ARID1B: variants seen among roughly 807,000 people sequenced by gnomAD.
The protein encoded by ARID1B is AT-rich interactive domain-containing protein 1B.
In ARID1B, 30 loss-of-function variants were observed where a neutral mutation model predicts 212.3. The observed-to-expected ratio is 0.14, with a 90% CI of 0.11 to 0.19. The LOEUF is 0.19. Ranked by LOEUF, ARID1B falls within the 10% of genes least tolerant of loss-of-function variation. The pLI, the probability that ARID1B is intolerant of heterozygous loss-of-function variation, is 1.00. For synonymous variants in ARID1B, 1,402 were observed against 1,301.7 expected, an observed-to-expected ratio of 1.08 and a Z score of -1.66; for missense variants, 2,891 against 3,204.0, an observed-to-expected ratio of 0.90 and a Z score of 2.36.
chr6:157,086,877 G>A lies in ARID1B; in HGVS notation c.2491+1972G>A, dbSNP rs1562606322. Among the ~76,000 whole-genome samples the A allele has an allele frequency of 2.6e-5, 4 of 152,348 alleles. No individual in the cohort carries two copies. The South Asian group carries it at 6.2e-4, about 24-fold the overall frequency. ...TGAGTGGGTTATACACCATCACAAA[G>A]GATGCCCATTCTTCGCAGTGACTGC... On this transcript the variant is annotated intron_variant, in intron 5 of 19. Coordinates refer to ENST00000636930, the MANE Select transcript of ARID1B (RefSeq NM_001374828.1).
At chr6:157,072,820 A>C (rs1315474604) in intron 4 of ARID1B, among the ~76,000 whole-genome samples, 2 of 152,210 alleles carry the variant, frequency 1.3e-5, no homozygotes, top group Non-Finnish European at 2.9e-5. Flanking sequence ...ATAGGTGAAG[A>C]AACTGAGGCT....
At chr6:157,065,823 G>A (rs1302444649) in intron 4 of ARID1B, among the ~76,000 whole-genome samples, 1 of 152,204 alleles carries the variant, frequency 6.6e-6, no homozygotes, top group Non-Finnish European at 1.5e-5. Flanking sequence ...CTGTCATTGT[G>A]TAGAAGTCCA....
chr6:157,120,457 C>T (rs1787632655), intron 6 of ARID1B, among the ~76,000 whole-genome samples: 1 of 152,094 alleles, frequency 6.6e-6, no homozygotes. Context: ...GCGCGGGGGG[C>T]CTGGGTTAAA....
intron 3 of ARID1B, among the ~76,000 whole-genome samples, chr6:156,904,735 C>A (rs1394343224): frequency 6.6e-6 from 1 of 152,224 alleles, no homozygotes; most frequent in Non-Finnish European, 1.5e-5. Flanking sequence ...GCCAACATGA[C>A]ACCACAAGTG....
chr6:156,920,161 C>T (rs1790666669), intron 3 of ARID1B, among the ~76,000 whole-genome samples: 2 of 152,266 alleles, frequency 1.3e-5, no homozygotes, highest in African/African-American at 4.8e-5. Flanking sequence ...CAAGCCTCCT[C>T]ATTGCACCCC....
rs1784588543 is a variant in ARID1B at position 156,851,697 on chromosome 6, A to G, written c.1986+22276A>G. On this transcript the variant is annotated intron_variant, in intron 2 of 19. Transcript: ENST00000636930. Reference sequence around the variant, plus strand: ...TATTTCTGCATTCAAATGACTAAGTACAGTAAACTTTTTACTGGCACAGTT... The same window carrying G: ...TATTTCTGCATTCAAATGACTAAGTGCAGTAAACTTTTTACTGGCACAGTT... Among the ~76,000 whole-genome samples, 5 of 152,258 alleles carry G rather than the reference A, an allele frequency of 3.3e-5. No homozygotes were observed. In the South Asian group the frequency reaches 1.0e-3, roughly 32 times the overall value.
chr6:156,957,885 G>GC (rs1299423312), intron 4 of ARID1B, among the ~76,000 whole-genome samples: 1 of 152,108 alleles, frequency 6.6e-6, no homozygotes, highest in African/African-American at 2.4e-5. Flanking sequence ...CCCCTTCCAA[G>GC]CCCCCCAAAC....
chr6:156,849,452 A>G (rs972478962), intron 2 of ARID1B, among the ~76,000 whole-genome samples: 2 of 152,262 alleles, frequency 1.3e-5, no homozygotes, highest in Non-Finnish European at 2.9e-5. Context: ...TATACCCCAC[A>G]GTCAGCCAAC....
rs1583522339 is a variant in ARID1B at position 157,209,870 on chromosome 6, A to C, written c.*1979A>C. 4.3e-6 allele frequency: 1 copy of C among 233,074 alleles called. No individual in the cohort carries two copies. Among genetic ancestry groups the C allele is most frequent in the African/African-American group, 2.2e-5 (1 of 45,300 alleles). The allele number at this position is 233,074 out of a possible 1,614,324, so 14.4% of individuals were successfully genotyped here. A position where few individuals can be genotyped will look rare whatever the true frequency, so the allele number is the denominator to read the frequency against. On this transcript the variant is annotated 3_prime_UTR_variant, in exon 20 of 20. Transcript: ENST00000636930. ...TAAACTTTCTCTTCCTGGGTCATTG[A>C]CTGTTACTGTGTAATAATCGATTTC...
chr6:157,039,897 T>TCCTC (rs1781754903), intron 4 of ARID1B, among the ~76,000 whole-genome samples: 1 of 143,984 alleles, frequency 6.9e-6, no homozygotes, highest in Non-Finnish European at 1.5e-5. Context: ...CTTCCTTCCT[T>TCCTC]CCTTCCTTCC....
intron 4 of ARID1B, among the ~76,000 whole-genome samples, chr6:157,076,195 A>G (rs1784294102): frequency 6.6e-6 from 1 of 152,222 alleles, no homozygotes; most frequent in Non-Finnish European, 1.5e-5. Flanking sequence ...AATGGGTAGA[A>G]TATCAAAATA....
intron 19 of ARID1B, chr6:157,205,808 A>C (rs1428874089): frequency 5.0e-6 from 1 of 200,438 alleles, no homozygotes; most frequent in African/African-American, 2.3e-5. Flanking sequence ...CCACTCTTCT[A>C]ATAATGAGTA....
At chr6:156,820,869 G>T (rs1479392985) in intron 1 of ARID1B, among the ~76,000 whole-genome samples, 1 of 152,178 alleles carries the variant, frequency 6.6e-6, no homozygotes, top group African/African-American at 2.4e-5. Context: ...AGGAATGGGA[G>T]GTTTCCTGGG....
rs1175162727 is a variant in ARID1B at position 156,835,770 on chromosome 6, C to T, written c.1986+6349C>T. On this transcript the variant is annotated intron_variant, in intron 2 of 19. Coordinates refer to ENST00000636930, the MANE Select transcript of ARID1B (RefSeq NM_001374828.1). ...TATTTTTATTTTTTAGAGACAAGGT[C>T]TTGCTCTGTTGCCCGGGCTGGAGTG... 2.6e-5 allele frequency among the ~76,000 whole-genome samples: 4 copies of T among 152,086 alleles called. No homozygotes were observed. In the East Asian group the frequency reaches 7.7e-4, roughly 29 times the overall value.
intron 5 of ARID1B, among the ~76,000 whole-genome samples, chr6:157,090,550 G>A (rs974066863): frequency 7.9e-5 from 12 of 152,200 alleles, no homozygotes; most frequent in African/African-American, 2.7e-4. Context: ...TTTGTTTCAT[G>A]GCTATTGTTC....
At chr6:157,198,457 G>T (rs908714314) in intron 16 of ARID1B, 1 of 229,712 alleles carries the variant, frequency 4.4e-6, no homozygotes, top group Non-Finnish European at 8.6e-6. Context: ...AGCACTGTAC[G>T]ACACTTCCTA....
At chr6:156,976,136 A>G (rs1412181371) in intron 4 of ARID1B, among the ~76,000 whole-genome samples, 8 of 152,146 alleles carry the variant, frequency 5.3e-5, no homozygotes, top group Non-Finnish European at 1.2e-4. Context: ...GGAACAAATC[A>G]CAATGGTGGA....
intron 3 of ARID1B, among the ~76,000 whole-genome samples, chr6:156,916,988 C>T (rs1582943857): frequency 6.6e-6 from 1 of 152,322 alleles, no homozygotes; most frequent in Middle Eastern, 3.4e-3. Flanking sequence ...CCGAGGTCTT[C>T]TGCTGGTCTG....
At chr6:157,117,999 G>A (rs1003063299) in intron 6 of ARID1B, among the ~76,000 whole-genome samples, 2 of 152,072 alleles carry the variant, frequency 1.3e-5, no homozygotes, top group Non-Finnish European at 2.9e-5. Flanking sequence ...CCCCAGCCGT[G>A]CTCTTTATGA....
Sources: gnomAD v4.1 joint callset for allele counts (sites outside exome capture counted in the v4.1 genomes callset) on GRCh38, gnomAD v4.1.1 for gene constraint, MANE v1.5 for transcripts, NCBI Gene and HGNC (gene_info 2026-07-23, HGNC 2026-07-21) for gene names.